Variants in CCR5AS observed in about 807,000 individuals in gnomAD.
CCR5AS encodes CCR5 antisense RNA.
At chr3:46,390,484 C>A (rs1214073958) in intron 2 of CCR5AS, among the ~76,000 whole-genome samples, 1 of 152,046 alleles carries the variant, frequency 6.6e-6, no homozygotes, top group Non-Finnish European at 1.5e-5. Context: ...CAGGCTTTAA[C>A]CCTTTTAAAG....
chr3:46,385,773 T>C (rs6441974), intron 2 of CCR5AS, among the ~76,000 whole-genome samples: 94,371 of 151,526 alleles, frequency 0.62, 29,667 homozygotes, highest in African/African-American at 0.7. Context: ...TGGAGTCTGG[T>C]TCTGTCACCC....
rs762042922 is a variant in CCR5AS, at chr3:46,381,147, T to A, written n.392-9730A>T. ...AAGTGAAAAGTAAACAGAAGTGGGA[T>A]GTCTGGCGCCCATGCTGAGCTTGGC... is the stretch of plus-strand genomic sequence containing the variant. On this transcript the variant is annotated intron_variant and non_coding_transcript_variant, in intron 2 of 3. Coordinates refer to ENST00000451485, the Ensembl canonical transcript of CCR5AS. Among the ~76,000 whole-genome samples, 36 of 152,232 alleles carry A rather than the reference T, an allele frequency of 2.4e-4. 1 individual carries two copies. Among genetic ancestry groups the A allele is most frequent in the Non-Finnish European group, 3.4e-4 (23 of 68,044 alleles).
intron 1 of CCR5AS, among the ~76,000 whole-genome samples, chr3:46,397,355 C>G (rs1335343716): frequency 2.6e-5 from 4 of 152,258 alleles, no homozygotes; most frequent in Non-Finnish European, 5.9e-5. Context: ...GTTCCTGGGA[C>G]TTGGGAGAGG....
At chr3:46,382,684 C>T (rs1307521379) in intron 2 of CCR5AS, among the ~76,000 whole-genome samples, 3 of 152,116 alleles carry the variant, frequency 2.0e-5, no homozygotes, top group Non-Finnish European at 4.4e-5. Context: ...GCCACCAGGC[C>T]AGGGTGAAAT....
At chr3:46,395,101 G>A (rs902039598) in intron 1 of CCR5AS, among the ~76,000 whole-genome samples, 4 of 152,158 alleles carry the variant, frequency 2.6e-5, no homozygotes, top group Admixed American at 2.0e-4. Flanking sequence ...CTGGAGAGAA[G>A]TTAATGGCTC....
chr3:46,372,668 TC>T (rs1451829437), intron 2 of CCR5AS: 2 of 387,408 alleles, frequency 5.2e-6, no homozygotes, highest in Non-Finnish European at 9.3e-6. Context: ...TTTCATGAAT[TC>T]CCCCAACAGA....
chr3:46,368,007 C>A (rs1701616663), intron 3 of CCR5AS, among the ~76,000 whole-genome samples: 1 of 152,216 alleles, frequency 6.6e-6, no homozygotes. Flanking sequence ...GGTTTCTGCT[C>A]ACTGTGCTCA....
At chr3:46,405,821 T>G (rs1702039493) in intron 1 of CCR5AS, among the ~76,000 whole-genome samples, 1 of 152,070 alleles carries the variant, frequency 6.6e-6, no homozygotes, top group Non-Finnish European at 1.5e-5. Flanking sequence ...TGTGTTTATT[T>G]TTCTCTTAAT....
intron 2 of CCR5AS, among the ~76,000 whole-genome samples, chr3:46,380,834 A>T (rs1701809314): frequency 6.6e-6 from 1 of 152,212 alleles, no homozygotes. Context: ...GTGGTTCCCC[A>T]CTGTAGAAGC....
In CCR5AS at chr3:46,373,666, T is replaced by C. The variant is rs1275965503; in HGVS notation, n.392-2249A>G. 6 of 1,614,210 alleles carry C rather than the reference T, an allele frequency of 3.7e-6. No homozygotes were observed. In the South Asian group the frequency reaches 5.5e-5, roughly 15 times the overall value. ...TTCTGGGCTCCCTACAACATTGTCCTTCTCCTGAACACCTTCCAGGAATTC... is the reference window on the plus strand; with the variant it reads ...TTCTGGGCTCCCTACAACATTGTCCCTCTCCTGAACACCTTCCAGGAATTC... On this transcript the variant is annotated intron_variant and non_coding_transcript_variant, in intron 2 of 3. Coordinates refer to ENST00000451485, the Ensembl canonical transcript of CCR5AS.
At chr3:46,373,766 G>T in intron 2 of CCR5AS, 1 of 1,613,554 alleles carries the variant, frequency 6.2e-7, no homozygotes, top group Non-Finnish European at 8.5e-7. Context: ...TTGGGATGAC[G>T]CACTGCTGCA....
chr3:46,398,052 G>C (rs1382456016), intron 1 of CCR5AS, among the ~76,000 whole-genome samples: 1 of 152,152 alleles, frequency 6.6e-6, no homozygotes, highest in Admixed American at 6.5e-5. Context: ...TGGGAAAAGG[G>C]GGACTAGAAG....
At position 46,379,024 on chromosome 3, in the gene CCR5AS, TA is replaced by T. The variant is rs1353553329; in HGVS notation, n.392-7608del. 2.9e-3 allele frequency among the ~76,000 whole-genome samples: 433 copies of T among 151,104 alleles called. 4 individuals carry two copies. The highest frequency in any genetic ancestry group is 9.6e-3 in the African/African-American group (397 of 41,182). ...TTCTTTTTTTTTTTTTTTTTACTTCTATTTTTTTTATTATACTTTAAGTTTT... is the reference window on the plus strand; with the variant it reads ...TTCTTTTTTTTTTTTTTTTTACTTCTTTTTTTTTATTATACTTTAAGTTTT... On this transcript the variant is annotated intron_variant and non_coding_transcript_variant, in intron 2 of 3. Coordinates refer to ENST00000451485, the Ensembl canonical transcript of CCR5AS.
intron 1 of CCR5AS, among the ~76,000 whole-genome samples, chr3:46,403,499 G>A (rs1702019347): frequency 6.6e-6 from 1 of 152,232 alleles, no homozygotes; most frequent in Non-Finnish European, 1.5e-5. Context: ...GCTGAAGAAT[G>A]CAGGAATGGC....
chr3:46,376,048 C>G (rs1701751997), intron 2 of CCR5AS: 1 of 167,036 alleles, frequency 6.0e-6, no homozygotes, highest in African/African-American at 2.4e-5. Flanking sequence ...TCCTTTTGCT[C>G]TTAAGTTGTG....
At chr3:46,373,851 G>A in intron 2 of CCR5AS, 1 of 1,614,030 alleles carries the variant, frequency 6.2e-7, no homozygotes, top group Non-Finnish European at 8.5e-7. Context: ...AAAGCACATT[G>A]CCAAACGCTT....
intron 1 of CCR5AS, among the ~76,000 whole-genome samples, chr3:46,398,102 T>C (rs963192101): frequency 2.0e-5 from 3 of 152,224 alleles, no homozygotes; most frequent in Non-Finnish European, 4.4e-5. Flanking sequence ...AACACTTATC[T>C]ATTTTTGCCT....
At chr3:46,384,005 C>T (rs368357926) in intron 2 of CCR5AS, among the ~76,000 whole-genome samples, 4 of 152,150 alleles carry the variant, frequency 2.6e-5, no homozygotes, top group African/African-American at 4.8e-5. Flanking sequence ...TGTGGTCTCA[C>T]GCCAAGGGAA....
chr3:46,377,242 A>G (rs1425564410), intron 2 of CCR5AS, among the ~76,000 whole-genome samples: 2 of 152,182 alleles, frequency 1.3e-5, no homozygotes, highest in Non-Finnish European at 2.9e-5. Context: ...CAGCCTTTCC[A>G]GAGCCCGTCC....
Sources: gnomAD v4.1 joint callset for allele counts (sites outside exome capture counted in the v4.1 genomes callset) on GRCh38, gnomAD v4.1.1 for gene constraint, MANE v1.5 for transcripts, NCBI Gene and HGNC (gene_info 2026-07-23, HGNC 2026-07-21) for gene names.